EDEM3: variants seen among roughly 807,000 people sequenced by gnomAD.
EDEM3 encodes the protein ER degradation enhancing alpha-mannosidase like protein 3.
EDEM3 carries 60 observed loss-of-function variants against 110.2 expected under a neutral mutation model. That is an observed-to-expected ratio of 0.54 (90% CI 0.44 to 0.67). EDEM3 has a LOEUF of 0.67. EDEM3 is among the 30% of genes least tolerant of loss of function. The pLI is 0.00. For missense variants in EDEM3, 996 were observed against 1,121.0 expected (o/e 0.89, Z 1.59); for synonymous variants, 352 against 382.9 (o/e 0.92, Z 0.94).
intron 9 of EDEM3, 91 bp downstream of exon 9, chr1:184,721,198 A>AT: frequency 9.9e-7 from 1 of 1,006,536 alleles, no homozygotes; most frequent in Non-Finnish European, 1.5e-6. Flanking sequence ...TTTAAAAATT[A>AT]TTTTTACAAT....
At chr1:184,713,538 G>A (rs1360891564) in intron 13 of EDEM3, among the ~76,000 whole-genome samples, 2 of 152,172 alleles carry the variant, frequency 1.3e-5, no homozygotes, top group Non-Finnish European at 2.9e-5. Flanking sequence ...AAGCATCATA[G>A]GTTTTGGCAG....
chr1:184,705,346 G>A (rs1477648154), intron 18 of EDEM3, among the ~76,000 whole-genome samples: 3 of 152,158 alleles, frequency 2.0e-5, no homozygotes, highest in Non-Finnish European at 2.9e-5. Context: ...TAAGTCAGGG[G>A]TCGGCAAATC....
chr1:184,726,772 T>C (rs1651216434), intron 6 of EDEM3, among the ~76,000 whole-genome samples: 1 of 152,188 alleles, frequency 6.6e-6, no homozygotes, highest in African/African-American at 2.4e-5. Flanking sequence ...AGACCAGCCT[T>C]AGAAGAAATT....
intron 5 of EDEM3, 101 bp from the exon 6 acceptor site, chr1:184,733,091 A>T: frequency 7.8e-7 from 1 of 1,274,990 alleles, no homozygotes; most frequent in South Asian, 1.8e-5. Flanking sequence ...AACATATTTA[A>T]GGAAAGACAA....
rs917856605 is a variant in EDEM3 at position 184,711,892 on chromosome 1, C to T, written c.1537-15G>A. 3 of 1,561,062 alleles carry T rather than the reference C, an allele frequency of 1.9e-6. No homozygotes were observed. The highest frequency in any genetic ancestry group is 2.8e-5 in the African/African-American group (2 of 72,000). On this transcript the variant is annotated splice_polypyrimidine_tract_variant and intron_variant, in intron 14 of 19. Coordinates refer to ENST00000318130, the MANE Select transcript of EDEM3 (RefSeq NM_025191.4). ...TATTCCGAGGTCTACAAGAGAAAAA[C>T]ATTTTATGTAAACAGAAATAATTAT...
intron 12 of EDEM3, 48 bp from the exon 13 acceptor site, chr1:184,717,060 C>T (rs1650592741): frequency 7.1e-7 from 1 of 1,402,524 alleles, no homozygotes; most frequent in Non-Finnish European, 9.8e-7. Flanking sequence ...TTATATATTA[C>T]CACATATCCA....
At chr1:184,741,326 G>A (rs565560525) in intron 2 of EDEM3, among the ~76,000 whole-genome samples, 1 of 152,150 alleles carries the variant, frequency 6.6e-6, no homozygotes, top group South Asian at 2.1e-4. Flanking sequence ...TTGAACCTGG[G>A]AGGCAGAGGC....
At chr1:184,707,744 C>T (rs1191164228) in intron 17 of EDEM3, among the ~76,000 whole-genome samples, 1 of 152,162 alleles carries the variant, frequency 6.6e-6, no homozygotes, top group Non-Finnish European at 1.5e-5. Flanking sequence ...CCAGTGGAAC[C>T]TCAGGGTCCC....
At chr1:184,705,648 T>A (rs1456244033) in intron 18 of EDEM3, among the ~76,000 whole-genome samples, 1 of 152,168 alleles carries the variant, frequency 6.6e-6, no homozygotes. Context: ...GTTAATATTC[T>A]GTTTTACCTG....
rs1650749641 is a variant in EDEM3, at chr1:184,719,426, G to A, written c.1077+17C>T. 6.2e-7 allele frequency: 1 copy of A among 1,604,832 alleles called. No individual in the cohort carries two copies. The highest frequency in any genetic ancestry group is 8.5e-7 in the Non-Finnish European group (1 of 1,177,444). ...CATCATCTTACATTCATATTAAGAA[G>A]ACAGAATTCTTTATACCTGCAAGCC... is the stretch of plus-strand genomic sequence containing the variant. On this transcript the variant is annotated intron_variant, in intron 10 of 19. Coordinates refer to ENST00000318130, the MANE Select transcript of EDEM3 (RefSeq NM_025191.4).
At chr1:184,744,463 G>C (rs539707716) in intron 2 of EDEM3, among the ~76,000 whole-genome samples, 1 of 151,624 alleles carries the variant, frequency 6.6e-6, no homozygotes, top group East Asian at 1.9e-4. Context: ...TACACTGCTG[G>C]TGGGAAATGC....
intron 1 of EDEM3, 95 bp downstream of exon 1, chr1:184,754,394 A>G (rs1189476567): frequency 6.4e-7 from 1 of 1,561,798 alleles, no homozygotes; most frequent in African/African-American, 1.4e-5. Context: ...CAATCGCGAC[A>G]GGAGAGGCCA....
chr1:184,734,898 C>T (rs1461970360), intron 4 of EDEM3, among the ~76,000 whole-genome samples: 2 of 152,170 alleles, frequency 1.3e-5, no homozygotes, highest in African/African-American at 2.4e-5. Flanking sequence ...CATCATCAGA[C>T]CTGTTAACTG....
At chr1:184,716,647 C>T (rs1650566735) in intron 13 of EDEM3, among the ~76,000 whole-genome samples, 1 of 152,090 alleles carries the variant, frequency 6.6e-6, no homozygotes, top group Non-Finnish European at 1.5e-5. Flanking sequence ...TAACAATCAT[C>T]GATTCATTTA....
rs1336999262 is a variant in EDEM3, at chr1:184,690,685, T to A, written c.*3378A>T. Reference sequence around the variant, plus strand: ...CCAACAACAGTAGTGTTACAGCACCTGTTAGTACAGACATCTTTTTCATAA... The same window carrying A: ...CCAACAACAGTAGTGTTACAGCACCAGTTAGTACAGACATCTTTTTCATAA... On this transcript the variant is annotated 3_prime_UTR_variant, in exon 20 of 20. Coordinates refer to ENST00000318130, the MANE Select transcript of EDEM3 (RefSeq NM_025191.4). The A allele has an allele frequency of 6.6e-6, 1 of 152,614 alleles. No homozygotes were observed. The highest frequency in any genetic ancestry group is 2.4e-5 in the African/African-American group (1 of 41,464). The allele number at this position is 152,614 out of a possible 1,614,324, so 9.5% of individuals were successfully genotyped here.
At chr1:184,739,824 A>G (rs1411295642) in intron 2 of EDEM3, among the ~76,000 whole-genome samples, 1 of 152,216 alleles carries the variant, frequency 6.6e-6, no homozygotes, top group Non-Finnish European at 1.5e-5. Flanking sequence ...TGAGCTTGAG[A>G]GTAAGAAATT....
At position 184,711,781 on chromosome 1, in the gene EDEM3, T is replaced by C; in HGVS notation, c.1633A>G (p.Ile545Val). 6.2e-7 allele frequency: 1 copy of C among 1,613,478 alleles called. No individual in the cohort carries two copies. Among genetic ancestry groups the C allele is most frequent in the Non-Finnish European group, 8.5e-7 (1 of 1,179,570 alleles). ...FPNDPLYAQS[I>V]REPLKNVVDK... ...ACCACATTTTTCAAGGGCTCACGAA[T>C]ACTTTGAGCATACAATGGGTCATTA... The change falls in exon 15 of 20, where the codon ATT (isoleucine) becomes GTT (valine). Residue 545 changes from isoleucine to valine, a missense_variant. Physicochemically the swap from Ile to Val is conservative, Grantham distance 29. Coordinates refer to ENST00000318130, the MANE Select transcript of EDEM3 (RefSeq NM_025191.4).
chr1:184,740,887 C>A (rs1029937682), intron 2 of EDEM3, among the ~76,000 whole-genome samples: 4 of 152,098 alleles, frequency 2.6e-5, no homozygotes, highest in Middle Eastern at 3.4e-3. Flanking sequence ...AAAAGCTATG[C>A]CCACAAAAAA....
Position 184,721,370 on chromosome 1 carries a change from T to C in EDEM3, c.870A>G (p.Ala290=). 6.2e-7 allele frequency: 1 copy of C among 1,601,954 alleles called. No homozygotes were observed. Among genetic ancestry groups the C allele is most frequent in the South Asian group, 1.1e-5 (1 of 87,822 alleles). ...GATATTCATAATATGAATCAATCCC[T>C]GCTCCAACTCCACTATCTATGGAAA... ...DWVRKDSGVG[A]GIDSYYEYLL... Residue 290 remains alanine, a synonymous_variant, in exon 9 of 20, where the codon GCA becomes GCG. Transcript: ENST00000318130.
Sources: allele counts gnomAD v4.1 joint callset (sites outside exome capture counted in the v4.1 genomes callset), GRCh38; gene constraint gnomAD v4.1.1; transcripts MANE v1.5; gene names NCBI Gene and HGNC (gene_info 2026-07-23, HGNC 2026-07-21).